Variants in PIP5K1C observed in about 807,000 individuals in gnomAD.
The protein encoded by PIP5K1C is phosphatidylinositol 4-phosphate 5-kinase type-1 gamma.
PIP5K1C carries 45 observed loss-of-function variants against 80.1 expected under a neutral mutation model. That is an observed-to-expected ratio of 0.56 (90% confidence interval 0.44 to 0.72). The LOEUF is 0.72. Among genes scored for constraint, PIP5K1C ranks in the 30% least tolerant of loss-of-function variants. The pLI, the probability that PIP5K1C is intolerant of heterozygous loss-of-function variation, is 0.00. For synonymous variants in PIP5K1C, 498 were observed against 420.1 expected (o/e 1.19, Z -2.27); for missense variants, 753 against 954.6 (o/e 0.79, Z 2.78).
chr19:3,691,562 ACCAGCCCATCCTAGGCACAC>A (rs945504535), intron 1 of PIP5K1C, among the ~76,000 whole-genome samples: 13 of 152,058 alleles, frequency 8.5e-5, no homozygotes, highest in Non-Finnish European at 1.9e-4. Context: ...CGGGAGTCAA[ACCAGCCCATCCTAGGCACAC>A]CCAGCCCATC....
At chr19:3,676,089 G>C (rs560226147) in intron 1 of PIP5K1C, among the ~76,000 whole-genome samples, 1 of 152,224 alleles carries the variant, frequency 6.6e-6, no homozygotes. Flanking sequence ...TGGGGAAACC[G>C]AGGCTGGGAG....
At chr19:3,660,815 G>A (rs2034807990) in intron 5 of PIP5K1C, 151 bp downstream of exon 5, 1 of 662,958 alleles carries the variant, frequency 1.5e-6, no homozygotes, top group Non-Finnish European at 2.8e-6. Context: ...TTCCCGGTGA[G>A]TCTCACAGGA....
chr19:3,657,008 T>C (rs2034656734), intron 5 of PIP5K1C, among the ~76,000 whole-genome samples: 1 of 152,214 alleles, frequency 6.6e-6, no homozygotes, highest in South Asian at 2.1e-4. Flanking sequence ...TGCCCTTCTC[T>C]CCTTCCCACC....
chr19:3,649,887 G>A (rs890895684), intron 8 of PIP5K1C: 3 of 283,346 alleles, frequency 1.1e-5, no homozygotes, highest in Non-Finnish European at 2.1e-5. Context: ...CCTGCCCAGC[G>A]CGGTTAGTGA....
rs771331155 is a variant in PIP5K1C at position 3,651,965 on chromosome 19, C to T, written c.988G>A (p.Glu330Lys). The change falls in exon 8 of 18, where the codon GAG (glutamate) becomes AAG (lysine). Residue 330 changes from glutamate (E) to lysine (K), a missense_variant. Physicochemically the swap from Glu to Lys is moderately conservative, Grantham distance 56 (BLOSUM62 1). Transcript: ENST00000335312. ...LLGVHNIDQH[E>K]RERQAQGAQS... ...GCGCCCTGCGCCTGCCGCTCGCGCTCGTGCTGGTCGATGTTGTGCACGCCC... is the reference window on the plus strand; with the variant it reads ...GCGCCCTGCGCCTGCCGCTCGCGCTTGTGCTGGTCGATGTTGTGCACGCCC... The T allele has an allele frequency of 1.9e-5, 30 of 1,613,120 alleles. No individual in the cohort carries two copies. Among genetic ancestry groups the T allele is most frequent in the African/African-American group, 2.7e-5 (2 of 75,078 alleles).
intron 13 of PIP5K1C, 105 bp from the exon 14 acceptor site, chr19:3,643,044 G>A (rs1437033562): frequency 1.3e-6 from 2 of 1,490,422 alleles, no homozygotes; most frequent in African/African-American, 1.4e-5. Flanking sequence ...TGGCAGCCCT[G>A]CCCACCTGTA....
At chr19:3,653,180 G>T in intron 7 of PIP5K1C, 110 bp downstream of exon 7, 1 of 948,186 alleles carries the variant, frequency 1.1e-6, no homozygotes, top group Non-Finnish European at 1.6e-6. Context: ...AGGCTGCAGG[G>T]CAGGTGGGCC....
At chr19:3,674,343 T>C (rs1245584014) in intron 1 of PIP5K1C, 2 of 152,354 alleles carry the variant, frequency 1.3e-5, no homozygotes, top group African/African-American at 2.4e-5. Flanking sequence ...CTGAAACAGA[T>C]CTCGGCTCAC....
chr19:3,667,938 C>T (rs969087566), intron 1 of PIP5K1C, among the ~76,000 whole-genome samples: 5 of 152,138 alleles, frequency 3.3e-5, no homozygotes, highest in Non-Finnish European at 4.4e-5. Flanking sequence ...TGGGCAGCTG[C>T]GGTCAGTGGG....
At chr19:3,663,258 T>G (rs1222478895) in intron 3 of PIP5K1C, among the ~76,000 whole-genome samples, 1 of 152,352 alleles carries the variant, frequency 6.6e-6, no homozygotes, top group East Asian at 1.9e-4. Flanking sequence ...AGCCGGCTCA[T>G]ACCTCCGCTC....
chr19:3,655,172 A>G (rs1447210889), intron 6 of PIP5K1C, among the ~76,000 whole-genome samples: 2 of 147,914 alleles, frequency 1.4e-5, no homozygotes, highest in African/African-American at 5.0e-5. Flanking sequence ...TAATTCCAAC[A>G]CTCCAGGAGG....
At chr19:3,666,705 A>G (rs200299675) in intron 2 of PIP5K1C, among the ~76,000 whole-genome samples, 2 of 152,030 alleles carry the variant, frequency 1.3e-5, no homozygotes, top group African/African-American at 4.8e-5. Context: ...ACATCCACAC[A>G]AGCAAAAATA....
In PIP5K1C at chr19:3,700,463, G is replaced by T. The variant is rs1309290282; in HGVS notation, c.-73C>A. ...CGACCGCCGCCGCCGAACAACAAGC[G>T]CCGCCGGCCAAGGGAGGGCGCGCCG... On this transcript the variant is annotated 5_prime_UTR_variant, in exon 1 of 18. Transcript: ENST00000335312. 1.2e-5 allele frequency: 10 copies of T among 836,538 alleles called. No homozygotes were observed. The highest frequency in any genetic ancestry group is 1.4e-5 in the Non-Finnish European group (10 of 690,534). The allele number at this position is 836,538 out of a possible 1,614,324, so 51.8% of individuals were successfully genotyped here.
intron 1 of PIP5K1C, among the ~76,000 whole-genome samples, chr19:3,699,536 G>A (rs1568368887): frequency 2.6e-5 from 4 of 152,322 alleles, no homozygotes; most frequent in East Asian, 3.9e-4. Context: ...GAGGAGCAGA[G>A]GATTTTGTGA....
In PIP5K1C at chr19:3,630,598, T is replaced by C. The variant is rs914965217; in HGVS notation, c.*2569A>G. 1 of 152,210 alleles carries C rather than the reference T, an allele frequency of 6.6e-6. No individual in the cohort carries two copies. Among genetic ancestry groups the C allele is most frequent in the African/African-American group, 2.4e-5 (1 of 41,260 alleles). The allele number at this position is 152,210 out of a possible 1,614,324, so 9.4% of individuals were successfully genotyped here. ...ACCATGGTGAAGGACCCCATGGCAA[T>C]GGGAGTATTGCACTGAGCCAGGTTT... On this transcript the variant is annotated 3_prime_UTR_variant, in exon 18 of 18. Coordinates refer to ENST00000335312, the MANE Select transcript of PIP5K1C (RefSeq NM_012398.3).
intron 1 of PIP5K1C, among the ~76,000 whole-genome samples, chr19:3,695,760 T>C (rs1462076162): frequency 6.7e-6 from 1 of 149,902 alleles, no homozygotes; most frequent in Admixed American, 6.6e-5. Flanking sequence ...GATACGATTC[T>C]GCTGTCACCC....
rs2036113930 is a variant in PIP5K1C, at chr19:3,696,707, C to CGGGAGGGCAGGGAGGGCAGAGTGCAGAG, written c.94+3589_94+3590insCTCTGCACTCTGCCCTCCCTGCCCTCCC. On this transcript the variant is annotated intron_variant, in intron 1 of 17. Coordinates refer to ENST00000335312, the MANE Select transcript of PIP5K1C (RefSeq NM_012398.3). This position sits in a 1 kb window ranked among gnomAD's most constrained non-coding sequence, Gnocchi z 4.1. ...CCATGGGCCTACAGCAGAGTGCAGA[C>CGGGAGGGCAGGGAGGGCAGAGTGCAGAG]GGGAGGGCAGGGAGGGCAGAGTGCG... 9.5e-6 allele frequency among the ~76,000 whole-genome samples: 1 copy of CGGGAGGGCAGGGAGGGCAGAGTGCAGAG among 105,712 alleles called. No homozygotes were observed. Among genetic ancestry groups the CGGGAGGGCAGGGAGGGCAGAGTGCAGAG allele is most frequent in the East Asian group, 2.7e-4 (1 of 3,700 alleles). 69.4% of individuals were successfully genotyped at this position (105,712 alleles called of 152,430 possible).
chr19:3,682,770 G>A (rs551713747), intron 1 of PIP5K1C, among the ~76,000 whole-genome samples: 1 of 152,256 alleles, frequency 6.6e-6, no homozygotes, highest in South Asian at 2.1e-4. Context: ...GCCTTCAGAG[G>A]AGGCAGTCCC....
chr19:3,664,061 C>T (rs941276123), intron 3 of PIP5K1C, among the ~76,000 whole-genome samples: 7 of 152,232 alleles, frequency 4.6e-5, no homozygotes, highest in African/African-American at 7.2e-5. Flanking sequence ...GGCTCTGACA[C>T]GGGCCCCAGT....
Sources: gnomAD v4.1 joint callset for allele counts (sites outside exome capture counted in the v4.1 genomes callset) on GRCh38, gnomAD v4.1.1 for gene constraint, Gnocchi (gnomAD v3.1) non-coding constraint, MANE v1.5 for transcripts, NCBI Gene and HGNC (gene_info 2026-07-23, HGNC 2026-07-21) for gene names.